Variants in DCAF15 observed in about 807,000 individuals in gnomAD.
The protein encoded by DCAF15 is DDB1 and CUL4 associated factor 15.
Under a neutral mutation model 68.0 loss-of-function variants are expected in DCAF15, and 24 were observed. The ratio of observed to expected loss-of-function variants is 0.35; its 90% CI spans 0.26 to 0.50. DCAF15 has a LOEUF of 0.50. DCAF15 is among the 20% of genes least tolerant of loss of function. The pLI is 0.98. For synonymous variants in DCAF15, 376 were observed against 341.6 expected, an observed-to-expected ratio of 1.10 and a Z score of -1.11; for missense variants, 627 against 830.6, an observed-to-expected ratio of 0.75 and a Z score of 3.01.
intron 1 of DCAF15, 116 bp downstream of exon 1, chr19:13,952,760 G>T: frequency 8.1e-7 from 1 of 1,231,274 alleles, no homozygotes; most frequent in South Asian, 2.0e-5. Flanking sequence ...CCCAGGGGAG[G>T]GGGCTCGGAT....
At position 13,959,194 on chromosome 19, in the gene DCAF15, G is replaced by A. The variant is rs1973486743; in HGVS notation, c.934G>A (p.Glu312Lys). Residue 312 changes from glutamate (E) to lysine (K), a missense_variant, in exon 7 of 13, where the codon GAG (glutamate) becomes AAG (lysine). This residue lies in a region of DCAF15 where 236 missense variants were observed against 225.1 expected (regional missense o/e 1.05). Transcript: ENST00000254337. ...AAPARSSGSP[E>K]PSPAIAKAKE... is the part of the protein sequence containing the mutation. ...CCCAGCCCGTTCTTCTGGGTCTCCTGAGCCCTCGCCCGCCATTGCCAAAGC... is the reference window on the plus strand; with the variant it reads ...CCCAGCCCGTTCTTCTGGGTCTCCTAAGCCCTCGCCCGCCATTGCCAAAGC... 1 of 1,612,542 alleles carries A rather than the reference G, an allele frequency of 6.2e-7. No homozygotes were observed. Among genetic ancestry groups the A allele is most frequent in the African/African-American group, 1.3e-5 (1 of 74,888 alleles).
rs146240432 is a variant in DCAF15, at chr19:13,959,065, A to G, written c.805A>G (p.Ile269Val). The G allele has an allele frequency of 2.5e-6, 4 of 1,607,282 alleles. No homozygotes were observed. Among genetic ancestry groups the G allele is most frequent in the African/African-American group, 2.7e-5 (2 of 74,668 alleles). Reference protein sequence around the residue: ...HSAGDRSFCQILYDHSTCPLA... With the variant: ...HSAGDRSFCQVLYDHSTCPLA... ...CTTAGGTGACAGGAGTTTCTGCCAA[A>G]TCCTGTATGACCACAGCACCTGCCC... The change falls in exon 7 of 13, where the codon ATC becomes GTC. Residue 269 changes from isoleucine (I) to valine (V), a missense_variant. By Grantham distance (29) the Ile-to-Val change is conservative. Transcript: ENST00000254337.
chr19:13,953,738 G>A (rs1277161101), intron 1 of DCAF15, among the ~76,000 whole-genome samples: 1 of 152,208 alleles, frequency 6.6e-6, no homozygotes, highest in African/African-American at 2.4e-5. Flanking sequence ...AGATCCTTCC[G>A]CGGTGAAGTT....
intron 1 of DCAF15, chr19:13,953,322 G>A (rs768202206): frequency 1.8e-6 from 1 of 568,198 alleles, no homozygotes; most frequent in Non-Finnish European, 3.1e-6. Context: ...GGCAGTAACT[G>A]GGGCAAGGCT....
At position 13,954,359 on chromosome 19, in the gene DCAF15, C is replaced by T. The variant is rs765350390; in HGVS notation, c.152C>T (p.Pro51Leu). Reference protein sequence around the residue: ...ERVKISGQLSPRLFRKLPPRV... With the variant: ...ERVKISGQLSLRLFRKLPPRV... ...CCCCAGATCAGCGGACAGCTCTCCC[C>T]TCGCCTCTTCCGGAAGCTGCCTCCC... Residue 51 changes from proline to leucine, a missense_variant, in exon 2 of 13, where the codon CCT becomes CTT. Pro to Leu is a moderately conservative substitution (Grantham distance 98). Transcript: ENST00000254337. 2 of 1,613,456 alleles carry T rather than the reference C, an allele frequency of 1.2e-6. No individual in the cohort carries two copies. The highest frequency in any genetic ancestry group is 1.3e-5 in the African/African-American group (1 of 74,918).
Position 13,956,332 on chromosome 19 carries a change from T to G in DCAF15, c.614-20T>G, listed in dbSNP as rs757696889. On this transcript the variant is annotated intron_variant, in intron 5 of 12. Transcript: ENST00000254337. ...TTGCTCCGGGCCGAGAGTGAGCTGC[T>G]GTGGCGTGTGTTGCTACAGGAGACC... The G allele has an allele frequency of 6.2e-7, 1 of 1,613,240 alleles. No homozygotes were observed. The highest frequency in any genetic ancestry group is 1.7e-5 in the Admixed American group (1 of 60,024).
chr19:13,959,246 G>T lies in DCAF15; in HGVS notation c.986G>T (p.Arg329Leu), dbSNP rs774956668. The change falls in exon 7 of 13, where the codon CGC becomes CTC. Residue 329 changes from arginine (R) to leucine (L), a missense_variant. By Grantham distance (102) the Arg-to-Leu change is moderately radical (BLOSUM62 -2). Transcript: ENST00000254337. ...AAGGAGTTTGTGGCTGACATCTTCC[G>T]CCGGGCCAAAGAGGCCAAGGGCGGG... ...KAKEFVADIF[R>L]RAKEAKGGVP... is the part of the protein sequence containing the mutation. The T allele has an allele frequency of 1.2e-6, 2 of 1,612,432 alleles. No individual in the cohort carries two copies. Among genetic ancestry groups the T allele is most frequent in the African/African-American group, 2.7e-5 (2 of 74,900 alleles).
Position 13,959,234 on chromosome 19 carries a change from C to A in DCAF15, c.974C>A (p.Ala325Asp). The change falls in exon 7 of 13, where the codon GCT (alanine) becomes GAT (aspartate). Residue 325 changes from alanine to aspartate, a missense_variant. Ala to Asp is a moderately radical substitution (Grantham distance 126). This residue lies in a region of DCAF15 where 236 missense variants were observed against 225.1 expected (regional missense o/e 1.05). Coordinates refer to ENST00000254337, the MANE Select transcript of DCAF15 (RefSeq NM_138353.4). ...PAIAKAKEFV[A>D]DIFRRAKEAK... The stretch of plus-strand genomic sequence containing the variant: ...ATTGCCAAAGCCAAGGAGTTTGTGG[C>A]TGACATCTTCCGCCGGGCCAAAGAG... The A allele has an allele frequency of 6.2e-7, 1 of 1,612,860 alleles. No individual in the cohort carries two copies. The highest frequency in any genetic ancestry group is 8.5e-7 in the Non-Finnish European group (1 of 1,179,920).
At chr19:13,956,644 C>A in intron 6 of DCAF15, 122 bp downstream of exon 6, 1 of 1,167,524 alleles carries the variant, frequency 8.6e-7, no homozygotes, top group Non-Finnish European at 1.2e-6. Context: ...AGTCACACAG[C>A]CTGGTTGTGG....
chr19:13,958,364 T>G (rs1973451838), intron 6 of DCAF15, among the ~76,000 whole-genome samples: 1 of 152,024 alleles, frequency 6.6e-6, no homozygotes, highest in South Asian at 2.1e-4. Context: ...GGGGAGCCCG[T>G]ACTCGATTTT....
chr19:13,956,005 G>T lies in DCAF15; in HGVS notation c.460G>T (p.Val154Phe). ...GCCCAGCGACGCCTCCAAGGTCATCGTCTTCGGCTTCAAGTGAGACCAGGC... is the reference window on the plus strand; with the variant it reads ...GCCCAGCGACGCCTCCAAGGTCATCTTCTTCGGCTTCAAGTGAGACCAGGC... ...EWPSDASKVI[V>F]FGFNTRSANG... Residue 154 changes from valine to phenylalanine, a missense_variant, in exon 4 of 13, where the codon GTC (valine) becomes TTC (phenylalanine). Transcript: ENST00000254337. 1 of 1,613,778 alleles carries T rather than the reference G, an allele frequency of 6.2e-7. No individual in the cohort carries two copies.
intron 3 of DCAF15, among the ~76,000 whole-genome samples, chr19:13,955,106 T>TAAAACAAAAC (rs565524117): frequency 6.7e-5 from 10 of 150,210 alleles, no homozygotes; most frequent in African/African-American, 2.5e-4. Context: ...ACCCTGTCTC[T>TAAAACAAAAC]AAAACAAAAC....
intron 12 of DCAF15, 146 bp downstream of exon 12, chr19:13,960,726 A>T (rs893815409): frequency 4.0e-6 from 4 of 1,007,924 alleles, no homozygotes; most frequent in African/African-American, 1.6e-5. Flanking sequence ...CAGCCCTGAA[A>T]GTGTGGGGCC....
At chr19:13,960,642 C>G (rs1052066738) in intron 12 of DCAF15, 62 bp downstream of exon 12, 3 of 1,443,590 alleles carry the variant, frequency 2.1e-6, no homozygotes, top group Admixed American at 2.1e-5. Flanking sequence ...CACCCAGGAG[C>G]TGATTCCTGA....
intron 1 of DCAF15, among the ~76,000 whole-genome samples, chr19:13,952,870 T>A (rs1274037709): frequency 2.4e-4 from 1 of 4,096 alleles, no homozygotes; most frequent in Non-Finnish European, 4.6e-4. Context: ...GCAAAGGGGC[T>A]GGGATGGAGG....
At chr19:13,958,807 G>A (rs952569454) in intron 6 of DCAF15, among the ~76,000 whole-genome samples, 4 of 151,560 alleles carry the variant, frequency 2.6e-5, no homozygotes. Flanking sequence ...TGTGTCCTCA[G>A]TGTGGGGCGC....
In DCAF15 at chr19:13,959,661, G is replaced by T. The variant is rs1973518037; in HGVS notation, c.1299G>T (p.Arg433=). Residue 433 remains arginine, a synonymous_variant, in exon 8 of 13, where the codon CGG becomes CGT. Coordinates refer to ENST00000254337, the MANE Select transcript of DCAF15 (RefSeq NM_138353.4). ...GCAACCTGCGGCCCATGCGGGAGCG[G>T]ACTGCTGTCCAGGTGGGTGTGGGCA... ...RGRNLRPMRE[R]TAVQGQYLTV... is the part of the protein sequence containing the mutation. 1.2e-6 allele frequency: 2 copies of T among 1,613,438 alleles called. No homozygotes were observed. The highest frequency in any genetic ancestry group is 1.7e-6 in the Non-Finnish European group (2 of 1,179,936).
At chr19:13,953,034 C>T (rs1229253903) in intron 1 of DCAF15, 2 of 1,462,456 alleles carry the variant, frequency 1.4e-6, no homozygotes, top group East Asian at 2.5e-5. Flanking sequence ...TTGCAGAGCC[C>T]CTGCCGCTGG....
Position 13,959,574 on chromosome 19 carries a change from C to T in DCAF15, c.1220-8C>T. On this transcript the variant is annotated splice_region_variant and splice_polypyrimidine_tract_variant and intron_variant, in intron 7 of 12. Coordinates refer to ENST00000254337, the MANE Select transcript of DCAF15 (RefSeq NM_138353.4). ...CCTCCACCCCACCCCCACTTCCTGC[C>T]TCCCCAGAGTTGGAGGACGACAAGA... is the stretch of plus-strand genomic sequence containing the variant. 1 of 1,613,074 alleles carries T rather than the reference C, an allele frequency of 6.2e-7. No homozygotes were observed. The highest frequency in any genetic ancestry group is 8.5e-7 in the Non-Finnish European group (1 of 1,179,856).
Sources: gnomAD v4.1 joint callset for allele counts (sites outside exome capture counted in the v4.1 genomes callset) on GRCh38, gnomAD v4.1.1 for gene constraint, gnomAD v4.1.1 regional missense constraint, MANE v1.5 for transcripts, NCBI Gene and HGNC (gene_info 2026-07-23, HGNC 2026-07-21) for gene names.